ADGRB3: variants seen among roughly 807,000 people sequenced by gnomAD.
ADGRB3 encodes the protein adhesion G protein-coupled receptor B3, also known as brain-specific angiogenesis inhibitor 3.
A neutral mutation model predicts 193.4 loss-of-function variants in ADGRB3; 37 were observed. That is an observed-to-expected ratio of 0.19 (90% confidence interval 0.15 to 0.25). ADGRB3 has a LOEUF of 0.25. Among genes scored for constraint, ADGRB3 ranks in the 10% least tolerant of loss-of-function variants. The pLI is 1.00. For missense variants in ADGRB3, 1,637 were observed against 1,852.9 expected, an observed-to-expected ratio of 0.88 and a Z score of 2.14; for synonymous variants, 690 against 644.2, an observed-to-expected ratio of 1.07 and a Z score of -1.08.
chr6:68,815,611 G>T (rs1223146039), intron 3 of ADGRB3, among the ~76,000 whole-genome samples: 1 of 128,962 alleles, frequency 7.8e-6, no homozygotes, highest in Non-Finnish European at 1.5e-5. Flanking sequence ...AATTGTGTGT[G>T]TGTGTGTGTG....
At chr6:68,670,579 T>G (rs769849623) in intron 3 of ADGRB3, among the ~76,000 whole-genome samples, 6 of 151,850 alleles carry the variant, frequency 4.0e-5, no homozygotes, top group Admixed American at 6.6e-5. Context: ...GAGTTCAGTA[T>G]AGGTGTGTGG....
At chr6:68,659,334 A>G (rs1318627998) in intron 3 of ADGRB3, among the ~76,000 whole-genome samples, 1 of 150,922 alleles carries the variant, frequency 6.6e-6, no homozygotes, top group Admixed American at 6.6e-5. Context: ...TTTTCTAAAA[A>G]AAAAAGACAA....
chr6:69,141,310 T>A (rs1173661797), intron 17 of ADGRB3, among the ~76,000 whole-genome samples: 2 of 151,970 alleles, frequency 1.3e-5, no homozygotes, highest in African/African-American at 4.8e-5. Context: ...TTTTTAGTAG[T>A]GACGGGGTTT....
chr6:68,742,670 C>T (rs1489364101), intron 3 of ADGRB3, among the ~76,000 whole-genome samples: 2 of 152,030 alleles, frequency 1.3e-5, no homozygotes, highest in Non-Finnish European at 2.9e-5. Flanking sequence ...TATTTCACCA[C>T]AGTATTTGGC....
At chr6:68,671,702 T>C (rs1768964649) in intron 3 of ADGRB3, among the ~76,000 whole-genome samples, 1 of 152,034 alleles carries the variant, frequency 6.6e-6, no homozygotes, top group African/African-American at 2.4e-5. Flanking sequence ...ATCAGAGATA[T>C]TGGCCTGTAG....
chr6:68,768,232 A>G (rs1766548768), intron 3 of ADGRB3, among the ~76,000 whole-genome samples: 1 of 152,184 alleles, frequency 6.6e-6, no homozygotes, highest in African/African-American at 2.4e-5. Flanking sequence ...CATATAGCCA[A>G]GACAATCCTA....
chr6:69,070,609 C>T (rs553701059), intron 16 of ADGRB3, among the ~76,000 whole-genome samples: 1 of 152,108 alleles, frequency 6.6e-6, no homozygotes, highest in Non-Finnish European at 1.5e-5. Context: ...CAGTGATTCT[C>T]TAAATTTGAT....
intron 20 of ADGRB3, among the ~76,000 whole-genome samples, chr6:69,248,197 A>G (rs968942363): frequency 1.3e-5 from 2 of 152,184 alleles, no homozygotes; most frequent in South Asian, 2.1e-4. Context: ...CATAATATGA[A>G]CTGGTCAGAA....
chr6:69,106,969 A>T (rs1773232607), intron 17 of ADGRB3, among the ~76,000 whole-genome samples: 1 of 152,206 alleles, frequency 6.6e-6, no homozygotes, highest in Non-Finnish European at 1.5e-5. Flanking sequence ...CAGTGCCGTT[A>T]GTTCACTTGA....
intron 17 of ADGRB3, among the ~76,000 whole-genome samples, chr6:69,176,046 C>T (rs314197): frequency 0.054 from 8,159 of 152,188 alleles, 579 homozygotes; most frequent in African/African-American, 0.15. Context: ...TTGGCAGAGT[C>T]TTTAGGGTTT....
chr6:69,168,108 G>T (rs994139011), intron 17 of ADGRB3, among the ~76,000 whole-genome samples: 2 of 152,110 alleles, frequency 1.3e-5, no homozygotes, highest in Non-Finnish European at 2.9e-5. Context: ...TTTACACATT[G>T]TTCTTACCTA....
chr6:69,040,696 A>C (rs1296082454), intron 13 of ADGRB3, among the ~76,000 whole-genome samples: 8 of 145,242 alleles, frequency 5.5e-5, no homozygotes, highest in Non-Finnish European at 7.5e-5. Flanking sequence ...AAAAAAAAAA[A>C]AAAAAAAAAA....
intron 20 of ADGRB3, among the ~76,000 whole-genome samples, chr6:69,310,967 C>T (rs2127300285): frequency 6.6e-6 from 1 of 151,730 alleles, no homozygotes. Context: ...CTAAAGTACC[C>T]TGACCATAGT....
At chr6:69,372,942 T>A (rs565382077) in intron 30 of ADGRB3, among the ~76,000 whole-genome samples, 3 of 152,116 alleles carry the variant, frequency 2.0e-5, no homozygotes, top group South Asian at 4.1e-4. Context: ...TAGAAACTAT[T>A]GATTCAATGT....
chr6:68,639,551 T>C (rs1209863370), intron 3 of ADGRB3, 119 bp downstream of exon 3: 10 of 1,320,478 alleles, frequency 7.6e-6, no homozygotes, highest in Admixed American at 5.7e-5. Context: ...TTTTGATTCA[T>C]TTGATTTGTG....
chr6:68,901,718 T>C (rs1766398305), intron 3 of ADGRB3, among the ~76,000 whole-genome samples: 1 of 152,160 alleles, frequency 6.6e-6, no homozygotes, highest in South Asian at 2.1e-4. Context: ...TAGCTATATA[T>C]ACTACATGGC....
intron 3 of ADGRB3, among the ~76,000 whole-genome samples, chr6:68,676,689 G>C (rs2746136): frequency 0.21 from 31,390 of 152,038 alleles, 3,847 homozygotes; most frequent in Middle Eastern, 0.43. Flanking sequence ...GACAGGGACA[G>C]TATATTTTAT....
At position 68,813,106 on chromosome 6, in the gene ADGRB3, G is replaced by A. The variant is rs531234693; in HGVS notation, c.758-117453G>A. ...CAGGGGGAGGTCATTGAATCATGGG[G>A]GCCTGTCTTTCCCATGCTATTCTTG... On this transcript the variant is annotated intron_variant, in intron 3 of 31. Coordinates refer to ENST00000370598, the MANE Select transcript of ADGRB3 (RefSeq NM_001704.3). Among the ~76,000 whole-genome samples, 3 of 152,154 alleles carry A rather than the reference G, an allele frequency of 2.0e-5. No individual in the cohort carries two copies. The South Asian group carries it at 6.2e-4, about 32-fold the overall frequency.
chr6:68,814,606 T>TTTAG (rs1256565943), intron 3 of ADGRB3, among the ~76,000 whole-genome samples: 127 of 152,046 alleles, frequency 8.4e-4, no homozygotes, highest in Non-Finnish European at 1.6e-3. Context: ...TGGTGTTTTA[T>TTTAG]ACATGAAGTC....
Sources: gnomAD v4.1 joint callset for allele counts (sites outside exome capture counted in the v4.1 genomes callset) on GRCh38, gnomAD v4.1.1 for gene constraint, MANE v1.5 for transcripts, NCBI Gene and HGNC (gene_info 2026-07-23, HGNC 2026-07-21) for gene names.